Variants in TRPC3 observed in about 807,000 individuals in gnomAD.
The protein encoded by TRPC3 is short transient receptor potential channel 3.
Under a neutral mutation model 90.9 loss-of-function variants are expected in TRPC3, and 54 were observed. The ratio of observed to expected loss-of-function variants is 0.59; its 90% CI spans 0.48 to 0.75. TRPC3 has a LOEUF of 0.75. Among genes scored for constraint, TRPC3 ranks in the 30% least tolerant of loss-of-function variants. The pLI is 0.00. For missense variants in TRPC3, 918 were observed against 1,194.5 expected (o/e 0.77, Z 3.41); for synonymous variants, 424 against 450.9 (o/e 0.94, Z 0.75).
At chr4:121,934,477 G>A (rs577014704) in intron 1 of TRPC3, among the ~76,000 whole-genome samples, 1 of 152,192 alleles carries the variant, frequency 6.6e-6, no homozygotes, top group African/African-American at 2.4e-5. Flanking sequence ...GGGATGAATT[G>A]TACCAAAAAG....
chr4:121,903,192 T>C, intron 8 of TRPC3, 131 bp from the exon 9 acceptor site: 1 of 710,466 alleles, frequency 1.4e-6, no homozygotes, highest in Non-Finnish European at 2.3e-6. Flanking sequence ...TTTATCTACA[T>C]ATATTCTATA....
At chr4:121,890,280 T>C (rs960478827) in intron 10 of TRPC3, among the ~76,000 whole-genome samples, 1 of 152,124 alleles carries the variant, frequency 6.6e-6, no homozygotes, top group Non-Finnish European at 1.5e-5. Flanking sequence ...TTAACAACAT[T>C]GTATTGTATG....
In TRPC3 at chr4:121,877,723, T is replaced by A. The variant is rs534204621; in HGVS notation, c.*2013A>T. 9.3e-4 allele frequency among the ~76,000 whole-genome samples: 132 copies of A among 141,186 alleles called. No homozygotes were observed. The highest frequency in any genetic ancestry group is 1.7e-3 in the Non-Finnish European group (109 of 66,060). 92.6% of individuals were successfully genotyped at this position (141,186 alleles called of 152,430 possible). A position where few individuals can be genotyped will look rare whatever the true frequency, so the allele number is the denominator to read the frequency against. On this transcript the variant is annotated 3_prime_UTR_variant, in exon 12 of 12. Transcript: ENST00000379645. ...TATTAAAACTATACCAGTTTGTACA[T>A]AGTAAATAAAGAAAAAATGCCTGTT...
intron 1 of TRPC3, among the ~76,000 whole-genome samples, chr4:121,938,852 A>C (rs1261090871): frequency 6.6e-6 from 1 of 151,946 alleles, no homozygotes; most frequent in Non-Finnish European, 1.5e-5. Flanking sequence ...CTCTTTAAAA[A>C]AAAAAACCAA....
rs754235477 is a variant in TRPC3, at chr4:121,899,619, C to A, written c.2540G>T (p.Arg847Leu). Residue 847 changes from arginine (R) to leucine (L), a missense_variant, in exon 10 of 12, where the codon CGT becomes CTT. This residue lies in a region of TRPC3 where 121 missense variants were observed against 135.7 expected (regional missense o/e 0.89). Transcript: ENST00000379645. The part of the protein sequence containing the change: ...SFNSILNQPT[R>L]YQQIMKRLIK... ...CGTCTAATGAATGCTTACCTGATAA[C>A]GTGTTGGCTGATTGAGAATGCTGTT... The A allele has an allele frequency of 6.2e-7, 1 of 1,612,722 alleles. No homozygotes were observed. Among genetic ancestry groups the A allele is most frequent in the Non-Finnish European group, 8.5e-7 (1 of 1,179,220 alleles).
At chr4:121,923,000 T>C (rs1448106102) in intron 3 of TRPC3, among the ~76,000 whole-genome samples, 1 of 152,164 alleles carries the variant, frequency 6.6e-6, no homozygotes, top group Non-Finnish European at 1.5e-5. Context: ...ATCTTGCAAA[T>C]ACTATGTGTA....
At chr4:121,923,557 T>C (rs1041274445) in intron 3 of TRPC3, among the ~76,000 whole-genome samples, 4 of 152,212 alleles carry the variant, frequency 2.6e-5, no homozygotes, top group African/African-American at 4.8e-5. Context: ...CTAATACTTA[T>C]TGAGAAATAC....
chr4:121,919,460 T>C (rs1488877893), intron 3 of TRPC3, among the ~76,000 whole-genome samples: 1 of 152,224 alleles, frequency 6.6e-6, no homozygotes, highest in African/African-American at 2.4e-5. Context: ...AAAACTTATA[T>C]TGCACAGGTT....
At chr4:121,886,853 T>G (rs1030279349) in intron 10 of TRPC3, among the ~76,000 whole-genome samples, 3 of 152,116 alleles carry the variant, frequency 2.0e-5, no homozygotes, top group Non-Finnish European at 4.4e-5. Context: ...TGGGCCAAGT[T>G]TAAGGACTGC....
chr4:121,945,119 A>G (rs1160951847), intron 1 of TRPC3, among the ~76,000 whole-genome samples: 2 of 152,262 alleles, frequency 1.3e-5, no homozygotes, highest in African/African-American at 2.4e-5. Context: ...TGGGGAATTC[A>G]GATGACCTTC....
At chr4:121,884,745 A>G (rs1000939932) in intron 10 of TRPC3, among the ~76,000 whole-genome samples, 1 of 152,200 alleles carries the variant, frequency 6.6e-6, no homozygotes, top group Non-Finnish European at 1.5e-5. Flanking sequence ...ATTTTGTAGA[A>G]TCTAGATCCC....
At chr4:121,899,536 G>GAC in intron 10 of TRPC3, 76 bp downstream of exon 10, 2 of 1,231,596 alleles carry the variant, frequency 1.6e-6, no homozygotes, top group Non-Finnish European at 2.4e-6. Context: ...CTCAACTCAT[G>GAC]ACACACACAC....
At chr4:121,894,132 A>T (rs557255884) in intron 10 of TRPC3, among the ~76,000 whole-genome samples, 57 of 152,310 alleles carry the variant, frequency 3.7e-4, no homozygotes, top group Non-Finnish European at 6.3e-4. Flanking sequence ...AGTGTTGCTT[A>T]TAATAGCTAA....
intron 10 of TRPC3, among the ~76,000 whole-genome samples, chr4:121,890,335 A>G (rs953637136): frequency 6.6e-6 from 1 of 152,194 alleles, no homozygotes; most frequent in Admixed American, 6.5e-5. Flanking sequence ...TCTTACAACA[A>G]AGAAATGATA....
At chr4:121,943,336 A>C (rs950571) in intron 1 of TRPC3, among the ~76,000 whole-genome samples, 1 of 152,032 alleles carries the variant, frequency 6.6e-6, no homozygotes, top group Non-Finnish European at 1.5e-5. Context: ...GTCAACAATC[A>C]TTCTTTCAAA....
Position 121,902,881 on chromosome 4 carries a change from C to T in TRPC3, c.2434G>A (p.Glu812Lys), listed in dbSNP as rs749012888. The stretch of plus-strand genomic sequence containing the variant: ...GACTTTGAGTTACCCATTCCCATTT[C>T]TATATCCTTCTGAAGCCTTCTCCTT... ...CRRRRLQKDI[E>K]MGMGNSKSRL... Residue 812 changes from glutamate to lysine, a missense_variant, in exon 9 of 12, where the codon GAA becomes AAA. Transcript: ENST00000379645. 10 of 1,612,324 alleles carry T rather than the reference C, an allele frequency of 6.2e-6. No homozygotes were observed. The East Asian group carries it at 1.8e-4, about 29-fold the overall frequency.
intron 4 of TRPC3, among the ~76,000 whole-genome samples, chr4:121,914,060 C>A (rs931111837): frequency 6.6e-6 from 1 of 152,196 alleles, no homozygotes; most frequent in Non-Finnish European, 1.5e-5. Context: ...TAATAACTGG[C>A]ATGAATAGTA....
rs771007902 is a variant in TRPC3, at chr4:121,899,707, T to C, written c.2464-12A>G. ...GTGAAGAGGTTTAACTAGGAAAAAATACAATTAACCTAGTAAATTAGAATA... is the reference window on the plus strand; with the variant it reads ...GTGAAGAGGTTTAACTAGGAAAAAACACAATTAACCTAGTAAATTAGAATA... On this transcript the variant is annotated splice_polypyrimidine_tract_variant and intron_variant, in intron 9 of 11. Coordinates refer to ENST00000379645, the MANE Select transcript of TRPC3 (RefSeq NM_001130698.2). 3 of 1,580,984 alleles carry C rather than the reference T, an allele frequency of 1.9e-6. No homozygotes were observed. The highest frequency in any genetic ancestry group is 2.6e-6 in the Non-Finnish European group (3 of 1,150,806).
Position 121,946,414 on chromosome 4 carries a change from C to T in TRPC3, c.215+5052G>A, listed in dbSNP as rs79771578. Among the ~76,000 whole-genome samples the T allele has an allele frequency of 1.2e-3, 181 of 152,118 alleles. 1 individual carries two copies. The highest frequency in any genetic ancestry group is 4.1e-3 in the African/African-American group (171 of 41,508). ...AAGATTTAGCTAAGAAACAAGGACACGATGTGACAAATATTTACTCCAAGA... is the reference window on the plus strand; with the variant it reads ...AAGATTTAGCTAAGAAACAAGGACATGATGTGACAAATATTTACTCCAAGA... On this transcript the variant is annotated intron_variant, in intron 1 of 11. Coordinates refer to ENST00000379645, the MANE Select transcript of TRPC3 (RefSeq NM_001130698.2).
Sources: gnomAD v4.1 joint callset for allele counts (sites outside exome capture counted in the v4.1 genomes callset) on GRCh38, gnomAD v4.1.1 for gene constraint, gnomAD v4.1.1 regional missense constraint, MANE v1.5 for transcripts, NCBI Gene and HGNC (gene_info 2026-07-23, HGNC 2026-07-21) for gene names.